PCDHGB6: variants seen among roughly 807,000 people sequenced by gnomAD.
PCDHGB6 encodes the protein protocadherin gamma subfamily B, 6, also known as protocadherin gamma-B6.
In PCDHGB6, 51 loss-of-function variants were observed where a neutral mutation model predicts 59.1. The ratio of observed to expected loss-of-function variants is 0.86; its 90% CI spans 0.69 to 1.09. The LOEUF (loss-of-function observed/expected upper bound fraction) is 1.09. Among genes scored for constraint, PCDHGB6 ranks in the 50% least tolerant of loss-of-function variants. The probability of loss-of-function intolerance (pLI) is 0.00; values close to 1 mark genes in which losing one functional copy is unlikely to be tolerated. For missense variants in PCDHGB6, 1,148 were observed against 1,205.1 expected, an observed-to-expected ratio of 0.95 and a Z score of 0.70; for synonymous variants, 466 against 495.1, an observed-to-expected ratio of 0.94 and a Z score of 0.78.
At chr5:141,426,779 T>G in intron 1 of PCDHGB6, 6 of 456,698 alleles carry the variant, frequency 1.3e-5, no homozygotes, top group Non-Finnish European at 1.8e-5. Context: ...GGCCTCACTC[T>G]CTCCAGAGTT....
At chr5:141,421,224 T>G (rs1401875673) in intron 1 of PCDHGB6, 2 of 1,582,072 alleles carry the variant, frequency 1.3e-6, no homozygotes, top group Admixed American at 3.6e-5. Flanking sequence ...GCTTAGAGCC[T>G]GCCATGGCGA....
chr5:141,420,009 A>T, intron 1 of PCDHGB6: 1 of 1,614,088 alleles, frequency 6.2e-7, no homozygotes, highest in Non-Finnish European at 8.5e-7. Context: ...CGCCTGCGAC[A>T]GTCTTTCAGC....
chr5:141,430,756 A>G (rs747363475), intron 1 of PCDHGB6: 1 of 1,503,228 alleles, frequency 6.7e-7, no homozygotes, highest in Non-Finnish European at 8.9e-7. Flanking sequence ...GGAGGAAGAT[A>G]AGAATGATTC....
At chr5:141,419,504 C>A in intron 1 of PCDHGB6, 1 of 1,612,298 alleles carries the variant, frequency 6.2e-7, no homozygotes, top group Non-Finnish European at 8.5e-7. Flanking sequence ...TGTGAGCCTG[C>A]GCGTGTTGGT....
chr5:141,427,361 A>ACC (rs781206288), intron 1 of PCDHGB6: 1 of 457,772 alleles, frequency 2.2e-6, no homozygotes, highest in South Asian at 1.5e-5. Context: ...AGGACGCAGA[A>ACC]CCCTGGACGG....
At chr5:141,466,201 T>C (rs985163022) in intron 1 of PCDHGB6, among the ~76,000 whole-genome samples, 1 of 152,006 alleles carries the variant, frequency 6.6e-6, no homozygotes, top group African/African-American at 2.4e-5. Context: ...GACACAGCCT[T>C]GCTCTGTTAC....
chr5:141,509,027 A>G (rs1409179803), intron 3 of PCDHGB6, among the ~76,000 whole-genome samples: 1 of 151,700 alleles, frequency 6.6e-6, no homozygotes, highest in Non-Finnish European at 1.5e-5. Flanking sequence ...GCTCCCTCCC[A>G]CTCAACCCCT....
Position 141,489,267 on chromosome 5 carries a change from C to G in PCDHGB6, c.2419-5540C>G. 6.4e-7 allele frequency: 1 copy of G among 1,553,302 alleles called. No homozygotes were observed. Among genetic ancestry groups the G allele is most frequent in the Non-Finnish European group, 8.7e-7 (1 of 1,149,864 alleles). The stretch of plus-strand genomic sequence containing the variant: ...TGGGGCCCAAGACACTCCCACAGCT[C>G]GCTGGGAAATGGCAAGTGCTGTGCA... On this transcript the variant is annotated intron_variant, in intron 1 of 3. Coordinates refer to ENST00000520790, the MANE Select transcript of PCDHGB6 (RefSeq NM_018926.3). The surrounding 1 kb of genome is among the most constrained non-coding windows in gnomAD (Gnocchi z 4.5).
Position 141,489,830 on chromosome 5 carries a change from A to C in PCDHGB6, c.2419-4977A>C. On this transcript the variant is annotated intron_variant, in intron 1 of 3. Transcript: ENST00000520790. The surrounding 1 kb of genome is among the most constrained non-coding windows in gnomAD (Gnocchi z 4.5). ...AAGCCATTCCCAGAGCTGGTGCTAG[A>C]GCAGCAGCTGGATCGTGAAGCCCAG... 1 of 1,614,200 alleles carries C rather than the reference A, an allele frequency of 6.2e-7. No homozygotes were observed. Among genetic ancestry groups the C allele is most frequent in the Non-Finnish European group, 8.5e-7 (1 of 1,180,010 alleles).
At chr5:141,483,761 GA>G (rs1376816525) in intron 1 of PCDHGB6, among the ~76,000 whole-genome samples, 1 of 152,118 alleles carries the variant, frequency 6.6e-6, no homozygotes, top group African/African-American at 2.4e-5. Flanking sequence ...TCGAGGCTTG[GA>G]AAAATATTGG....
intron 1 of PCDHGB6, chr5:141,421,949 C>T (rs749189262): frequency 6.2e-6 from 10 of 1,612,856 alleles, no homozygotes; most frequent in Non-Finnish European, 6.8e-6. Flanking sequence ...GATCACATCC[C>T]AATGTTTACA....
At chr5:141,421,921 G>T in intron 1 of PCDHGB6, 1 of 1,613,644 alleles carries the variant, frequency 6.2e-7, no homozygotes, top group Non-Finnish European at 8.5e-7. Context: ...CATTCGTGTG[G>T]TGGTCCTCGA....
At position 141,476,792 on chromosome 5, in the gene PCDHGB6, G is replaced by T. The variant is rs376910320; in HGVS notation, c.2419-18015G>T. ...GGACGGAGGGACCCCAGCTCTCTCC[G>T]CCAGCCTGCCTATTCACATCAAGGT... On this transcript the variant is annotated intron_variant, in intron 1 of 3. Coordinates refer to ENST00000520790, the MANE Select transcript of PCDHGB6 (RefSeq NM_018926.3). The surrounding 1 kb of genome is among the most constrained non-coding windows in gnomAD (Gnocchi z 7.6). 4.3e-6 allele frequency: 7 copies of T among 1,612,720 alleles called. No individual in the cohort carries two copies. Among genetic ancestry groups the T allele is most frequent in the Non-Finnish European group, 5.1e-6 (6 of 1,179,958 alleles).
intron 3 of PCDHGB6, among the ~76,000 whole-genome samples, chr5:141,510,741 C>A (rs11953770): frequency 1.3e-5 from 2 of 152,138 alleles, no homozygotes; most frequent in Non-Finnish European, 1.5e-5. Context: ...GGAATCAAAC[C>A]TAGACTTTCT....
chr5:141,424,005 C>A, intron 1 of PCDHGB6: 1 of 1,070,322 alleles, frequency 9.3e-7, no homozygotes. Context: ...TATATAGATA[C>A]AAATTAATGA....
At chr5:141,414,356 T>C in intron 1 of PCDHGB6, 1 of 1,613,950 alleles carries the variant, frequency 6.2e-7, no homozygotes, top group Non-Finnish European at 8.5e-7. Flanking sequence ...TTGGCGTATC[T>C]ACCATTTAAA....
chr5:141,413,218 A>C, intron 1 of PCDHGB6: 1 of 1,613,610 alleles, frequency 6.2e-7, no homozygotes, highest in Non-Finnish European at 8.5e-7. Context: ...AAAGGATTGC[A>C]GCGGGCTGGT....
chr5:141,420,047 G>T lies in PCDHGB6; in HGVS notation c.2418+9427G>T. ...TACTGCAGGAGACTGCTTTGAGTCA[G>T]TTCTCTGCTCCAAGTCCGGACCTGT... On this transcript the variant is annotated intron_variant, in intron 1 of 3. Coordinates refer to ENST00000520790, the MANE Select transcript of PCDHGB6 (RefSeq NM_018926.3). 3 of 1,614,076 alleles carry T rather than the reference G, an allele frequency of 1.9e-6. No individual in the cohort carries two copies. The South Asian group carries it at 3.3e-5, about 18-fold the overall frequency.
intron 1 of PCDHGB6, among the ~76,000 whole-genome samples, chr5:141,448,581 T>A (rs570781751): frequency 2.0e-5 from 3 of 152,274 alleles, no homozygotes; most frequent in African/African-American, 7.2e-5. Context: ...CCATTTTTTT[T>A]ACAAAAAGAT....
Sources: allele counts gnomAD v4.1 joint callset (sites outside exome capture counted in the v4.1 genomes callset), GRCh38; gene constraint gnomAD v4.1.1; non-coding constraint Gnocchi (gnomAD v3.1); transcripts MANE v1.5; gene names NCBI Gene and HGNC (gene_info 2026-07-23, HGNC 2026-07-21).